TMT1A: variants seen among roughly 807,000 people sequenced by gnomAD.
TMT1A encodes the protein thiol methyltransferase 1A, also known as thiol S-methyltransferase TMT1A.
At chr12:50,929,062 A>T in the TMT1A span, among the ~76,000 whole-genome samples, 81 of 150,858 alleles carry the variant, frequency 5.4e-4, no homozygotes, top group African/African-American at 1.9e-3. Flanking sequence ...ATGCGGCGAA[A>T]CTCTGTCTCT....
chr12:50,931,361 T>G, the TMT1A span: 1 of 152,110 alleles, frequency 6.6e-6, no homozygotes, highest in Non-Finnish European at 1.5e-5. Context: ...TAATTAAGAA[T>G]CTGAGTCTAA....
chr12:50,930,973 C>G, the TMT1A span: 1 of 151,990 alleles, frequency 6.6e-6, no homozygotes, highest in Non-Finnish European at 1.5e-5. Flanking sequence ...AAAGAATTCA[C>G]ATCAAAAAAA....
the TMT1A span, among the ~76,000 whole-genome samples, chr12:50,928,096 A>G: frequency 6.6e-6 from 1 of 152,198 alleles, no homozygotes; most frequent in Non-Finnish European, 1.5e-5. Flanking sequence ...AAGTGGTGGG[A>G]TTACAGGTGT....
chr12:50,925,577 A>G, the TMT1A span: 2 of 1,587,612 alleles, frequency 1.3e-6, no homozygotes, highest in Non-Finnish European at 8.6e-7. Flanking sequence ...AGTAGCAGCT[A>G]TTATCATAGA....
At chr12:50,925,531 A>C in the TMT1A span, 1 of 1,612,376 alleles carries the variant, frequency 6.2e-7, no homozygotes, top group African/African-American at 1.3e-5. Context: ...CAGAGTGCTG[A>C]GACCGGTGAG....
chr12:50,925,446 C>T, the TMT1A span: 1 of 1,614,198 alleles, frequency 6.2e-7, no homozygotes, highest in South Asian at 1.1e-5. Flanking sequence ...TGGCTGATGG[C>T]TCTGTGGATG....
At chr12:50,927,689 A>G in the TMT1A span, among the ~76,000 whole-genome samples, 1 of 152,230 alleles carries the variant, frequency 6.6e-6, no homozygotes, top group African/African-American at 2.4e-5. Flanking sequence ...GAACTTTATT[A>G]CATTTTCATT....
At chr12:50,931,515 T>A in the TMT1A span, 18,861 of 147,426 alleles carry the variant, frequency 0.13, 2,160 homozygotes, top group African/African-American at 0.31. Flanking sequence ...AAGACCAGCC[T>A]GGCCAACATG....
chr12:50,930,368 C>T, the TMT1A span: 6 of 397,516 alleles, frequency 1.5e-5, no homozygotes, highest in Admixed American at 8.3e-5. Flanking sequence ...CAACCTCCAC[C>T]TCGCGGGTTT....
the TMT1A span, chr12:50,929,920 G>A: frequency 1.3e-6 from 2 of 1,599,512 alleles, no homozygotes; most frequent in East Asian, 2.2e-5. Flanking sequence ...TCAGGGAGGG[G>A]CTTTCTATTT....
chr12:50,931,995 G>C, the TMT1A span: 3 of 152,152 alleles, frequency 2.0e-5, no homozygotes, highest in African/African-American at 7.2e-5. Flanking sequence ...TTTTATTCCA[G>C]TATTCCACCA....
the TMT1A span, chr12:50,930,200 G>T: frequency 7.1e-7 from 1 of 1,402,768 alleles, no homozygotes; most frequent in Non-Finnish European, 9.5e-7. Flanking sequence ...TAAAGCTTCA[G>T]TTTTACATTT....
the TMT1A span, among the ~76,000 whole-genome samples, chr12:50,926,620 G>T: frequency 6.6e-6 from 1 of 152,196 alleles, no homozygotes; most frequent in Non-Finnish European, 1.5e-5. Flanking sequence ...AGAGTTATCT[G>T]TGCTGATACT....
the TMT1A span, among the ~76,000 whole-genome samples, chr12:50,929,011 G>C: frequency 3.0e-4 from 46 of 152,178 alleles, no homozygotes; most frequent in African/African-American, 1.1e-3. Context: ...GCCTAGACAG[G>C]AGGATCACTT....
chr12:50,927,352 A>G, the TMT1A span, among the ~76,000 whole-genome samples: 2 of 152,182 alleles, frequency 1.3e-5, no homozygotes, highest in African/African-American at 4.8e-5. Context: ...TAATAGAGGA[A>G]GTTCCTCAGG....
chr12:50,930,225 G>A, the TMT1A span: 1 of 1,249,882 alleles, frequency 8.0e-7, no homozygotes, highest in Non-Finnish European at 1.1e-6. Flanking sequence ...TGCTAAGTGG[G>A]AGAAGAGAAA....
chr12:50,931,627 C>T, the TMT1A span: 1 of 146,072 alleles, frequency 6.8e-6, no homozygotes, highest in Non-Finnish European at 1.5e-5. Context: ...AGGAGAATCT[C>T]TTGAACCCAG....
chr12:50,929,635 TA>T, the TMT1A span, among the ~76,000 whole-genome samples: 1 of 152,354 alleles, frequency 6.6e-6, no homozygotes, highest in East Asian at 1.9e-4. Context: ...ATAAAATACC[TA>T]ATGACAAAAT....
the TMT1A span, among the ~76,000 whole-genome samples, chr12:50,926,016 CAAAAAAAAAA>C: frequency 5.9e-3 from 153 of 26,080 alleles, 1 homozygote; most frequent in Middle Eastern, 0.023. Context: ...AACTCCATCT[CAAAAAAAAAA>C]AAAAAAAAAA....
Sources: gnomAD v4.1 joint callset for allele counts (sites outside exome capture counted in the v4.1 genomes callset) on GRCh38, gnomAD v4.1.1 for gene constraint, MANE v1.5 for transcripts, NCBI Gene and HGNC (gene_info 2026-07-23, HGNC 2026-07-21) for gene names.